The following CTIF variants were observed in gnomAD, a reference collection of about 807,000 sequenced individuals.
CTIF encodes the protein cap binding complex dependent translation initiation factor.
A neutral mutation model predicts 66.0 loss-of-function variants in CTIF; 21 were observed. That is an observed-to-expected ratio of 0.32 (90% CI 0.23 to 0.46). The LOEUF is 0.46. Among genes scored for constraint, CTIF ranks in the 20% least tolerant of loss-of-function variants. The pLI is 1.00. For synonymous variants in CTIF, 345 were observed against 326.4 expected (o/e 1.06, Z -0.62); for missense variants, 739 against 812.7 (o/e 0.91, Z 1.10).
intron 2 of CTIF, among the ~76,000 whole-genome samples, chr18:48,621,130 A>T (rs999880627): frequency 6.6e-6 from 1 of 152,178 alleles, no homozygotes; most frequent in Non-Finnish European, 1.5e-5. Context: ...CGTATCTAGG[A>T]TTGAGCAAAA....
At chr18:48,828,437 G>C (rs2068626366) in intron 10 of CTIF, among the ~76,000 whole-genome samples, 1 of 152,104 alleles carries the variant, frequency 6.6e-6, no homozygotes, top group Non-Finnish European at 1.5e-5. Flanking sequence ...CAACTATTTG[G>C]CATTTTTTCA....
intron 7 of CTIF, among the ~76,000 whole-genome samples, chr18:48,749,822 AC>A (rs1218151344): frequency 6.6e-6 from 1 of 152,156 alleles, no homozygotes; most frequent in Non-Finnish European, 1.5e-5. Flanking sequence ...ACCACGAACT[AC>A]TGTGAAGCTC....
At chr18:48,691,159 C>T (rs558316643) in intron 6 of CTIF, among the ~76,000 whole-genome samples, 4 of 152,332 alleles carry the variant, frequency 2.6e-5, no homozygotes, top group East Asian at 1.9e-4. Context: ...ACAATTGTAA[C>T]GTCCACTCTG....
chr18:48,677,016 G>A (rs1352952031), intron 6 of CTIF, among the ~76,000 whole-genome samples: 2 of 152,068 alleles, frequency 1.3e-5, no homozygotes, highest in African/African-American at 2.4e-5. Context: ...CGGGGCCGCG[G>A]CTGGGGCTGC....
chr18:48,849,033 A>G (rs2069140370), intron 10 of CTIF, among the ~76,000 whole-genome samples: 2 of 151,492 alleles, frequency 1.3e-5, no homozygotes, highest in Admixed American at 1.3e-4. Context: ...AGTGCCAGAG[A>G]CTCTGATGAG....
Position 48,670,680 on chromosome 18 carries a change from G to A in CTIF, c.443G>A (p.Gly148Glu), listed in dbSNP as rs760450593. Residue 148 changes from glycine (G) to glutamate (E), a missense_variant, in exon 6 of 12, where the codon GGG becomes GAG. Around this residue, in one of 2 missense-constraint regions of CTIF, gnomAD observed 529 missense variants for 520.3 expected, o/e 1.02. Transcript: ENST00000256413. ...CTTTTCTGGTCCAGGTGTGGCAAAG[G>A]GAAGCTGGAAGATGGGGATGGCATC... Reference protein sequence around the residue: ...PHIDREGCGKGKLEDGDGINL... With the variant: ...PHIDREGCGKEKLEDGDGINL... 2 of 1,614,124 alleles carry A rather than the reference G, an allele frequency of 1.2e-6. No individual in the cohort carries two copies. The highest frequency in any genetic ancestry group is 1.7e-6 in the Non-Finnish European group (2 of 1,179,970).
chr18:48,675,818 C>A lies in CTIF; in HGVS notation c.507+5074C>A, dbSNP rs371702316. ...TGGGGGAGTTACAAAGTGTTGGCTT[C>A]CGCCCTTGGAAGGATGGGGGCTGGC... On this transcript the variant is annotated intron_variant, in intron 6 of 11. Coordinates refer to ENST00000256413, the MANE Select transcript of CTIF (RefSeq NM_014772.3). 1.7e-4 allele frequency among the ~76,000 whole-genome samples: 26 copies of A among 152,314 alleles called. 3 individuals are homozygous for A. The South Asian group carries it at 4.3e-3, about 25-fold the overall frequency.
At chr18:48,554,651 C>T (rs1292076764) in intron 1 of CTIF, among the ~76,000 whole-genome samples, 4 of 152,270 alleles carry the variant, frequency 2.6e-5, no homozygotes, top group Admixed American at 6.5e-5. Context: ...ACCAGCTTTT[C>T]GGAGAGAAAG....
intron 1 of CTIF, among the ~76,000 whole-genome samples, chr18:48,540,866 C>T (rs955556895): frequency 6.6e-6 from 1 of 152,078 alleles, no homozygotes; most frequent in Non-Finnish European, 1.5e-5. Context: ...GCCCGAGTTA[C>T]TTGGAGAGGG....
chr18:48,765,745 T>A (rs1459793699), intron 9 of CTIF, among the ~76,000 whole-genome samples: 1 of 152,164 alleles, frequency 6.6e-6, no homozygotes, highest in Non-Finnish European at 1.5e-5. Context: ...TCATGAGCCA[T>A]GACAGTGCTG....
At chr18:48,831,562 G>A (rs1407555195) in intron 10 of CTIF, among the ~76,000 whole-genome samples, 2 of 152,192 alleles carry the variant, frequency 1.3e-5, no homozygotes, top group Non-Finnish European at 2.9e-5. Context: ...AATGGAGTGG[G>A]TGGGAAAGGA....
At chr18:48,632,344 CCCT>C (rs970595310) in intron 2 of CTIF, among the ~76,000 whole-genome samples, 1 of 152,322 alleles carries the variant, frequency 6.6e-6, no homozygotes, top group South Asian at 2.1e-4. Flanking sequence ...GGGCCACAGT[CCCT>C]CCTCCTGCTG....
chr18:48,684,258 A>G (rs1398142394), intron 6 of CTIF, among the ~76,000 whole-genome samples: 1 of 152,170 alleles, frequency 6.6e-6, no homozygotes, highest in East Asian at 1.9e-4. Flanking sequence ...CTCATTTTTT[A>G]TCAAAATAGT....
chr18:48,777,982 C>T (rs981253141), intron 9 of CTIF, among the ~76,000 whole-genome samples: 6 of 152,212 alleles, frequency 3.9e-5, no homozygotes, highest in Admixed American at 1.3e-4. Context: ...AGTGGGCAGC[C>T]GTAGAGTCAC....
intron 9 of CTIF, among the ~76,000 whole-genome samples, chr18:48,762,531 G>A (rs901974422): frequency 1.3e-5 from 2 of 152,202 alleles, no homozygotes. Context: ...ACTCTTGGCT[G>A]GGGGAGAGCC....
intron 1 of CTIF, among the ~76,000 whole-genome samples, chr18:48,609,653 C>T (rs1038102701): frequency 1.4e-4 from 22 of 152,098 alleles, no homozygotes; most frequent in African/African-American, 4.6e-4. Context: ...ATGATGTCAC[C>T]CTATTTTACG....
chr18:48,832,741 T>C (rs1016666726), intron 10 of CTIF, among the ~76,000 whole-genome samples: 4 of 152,258 alleles, frequency 2.6e-5, no homozygotes, highest in Admixed American at 2.6e-4. Context: ...CTGAATCTGG[T>C]TTCCCAGGGT....
At chr18:48,817,527 G>A in intron 10 of CTIF, 151 bp downstream of exon 10, 1 of 921,994 alleles carries the variant, frequency 1.1e-6, no homozygotes, top group Non-Finnish European at 1.6e-6. Context: ...TGTAATCCCA[G>A]CACTTTGGGA....
At chr18:48,716,714 C>A (rs989416440) in intron 7 of CTIF, among the ~76,000 whole-genome samples, 1 of 152,182 alleles carries the variant, frequency 6.6e-6, no homozygotes, top group African/African-American at 2.4e-5. Flanking sequence ...TGTCAGAAGA[C>A]CCTGCAGGCT....
Sources: allele counts gnomAD v4.1 joint callset (sites outside exome capture counted in the v4.1 genomes callset), GRCh38; gene constraint gnomAD v4.1.1; regional missense constraint gnomAD v4.1.1; transcripts MANE v1.5; gene names NCBI Gene and HGNC (gene_info 2026-07-23, HGNC 2026-07-21).